The following TRPV4 variants were observed in gnomAD, a reference collection of about 807,000 sequenced individuals.
TRPV4 encodes transient receptor potential cation channel subfamily V member 4, also known as OSM9-like transient receptor potential channel 4.
In TRPV4, 58 loss-of-function variants were observed where a neutral mutation model predicts 84.1. That is an observed-to-expected ratio of 0.69 (90% CI 0.56 to 0.86). The LOEUF is 0.86. TRPV4 is among the 40% of genes least tolerant of loss of function. The pLI, the probability that TRPV4 is intolerant of heterozygous loss-of-function variation, is 0.00. For synonymous variants in TRPV4, 489 were observed against 500.9 expected (o/e 0.98, Z 0.32); for missense variants, 879 against 1,181.1 (o/e 0.74, Z 3.75).
intron 1 of TRPV4, among the ~76,000 whole-genome samples, chr12:109,829,896 AC>A (rs1263379353): frequency 6.6e-6 from 1 of 152,080 alleles, no homozygotes; most frequent in Admixed American, 6.5e-5. Context: ...GTTCACTGCA[AC>A]CTCTCACTCC....
intron 1 of TRPV4, among the ~76,000 whole-genome samples, chr12:109,830,786 C>T (rs1417615765): frequency 6.6e-6 from 1 of 152,190 alleles, no homozygotes; most frequent in Non-Finnish European, 1.5e-5. Context: ...CCCCTAGGAA[C>T]AGAGGAAGGA....
intron 13 of TRPV4, among the ~76,000 whole-genome samples, chr12:109,787,407 C>T (rs1289745382): frequency 6.6e-6 from 1 of 152,116 alleles, no homozygotes; most frequent in Admixed American, 6.6e-5. Context: ...AAGTTCAAGA[C>T]CAGCCTGGGC....
At chr12:109,797,159 G>C (rs774493087) in intron 6 of TRPV4, among the ~76,000 whole-genome samples, 2 of 152,016 alleles carry the variant, frequency 1.3e-5, no homozygotes, top group Non-Finnish European at 2.9e-5. Context: ...GGATTTTGGG[G>C]TTTTTGTTTT....
At chr12:109,820,584 C>T (rs372402331) in intron 1 of TRPV4, among the ~76,000 whole-genome samples, 1 of 133,522 alleles carries the variant, frequency 7.5e-6, no homozygotes, top group Admixed American at 8.9e-5. Context: ...AGTGCAGTGG[C>T]GCATCTCCAC....
Position 109,796,408 on chromosome 12 carries a change from C to A in TRPV4, c.1332+117G>T. 5.0e-6 allele frequency: 6 copies of A among 1,200,764 alleles called. No individual in the cohort carries two copies. Among genetic ancestry groups the A allele is most frequent in the Non-Finnish European group, 7.2e-6 (6 of 833,402 alleles). The allele number at this position is 1,200,764 out of a possible 1,614,324, so 74.4% of individuals were successfully genotyped here. ...TTCTCTTGCATTCAGCCAACAGACCCACCACGTTGGGTCCTAGAGGCTGGG... is the reference window on the plus strand; with the variant it reads ...TTCTCTTGCATTCAGCCAACAGACCAACCACGTTGGGTCCTAGAGGCTGGG... On this transcript the variant is annotated intron_variant, in intron 7 of 15. Coordinates refer to ENST00000261740, the MANE Select transcript of TRPV4 (RefSeq NM_021625.5). The surrounding 1 kb of genome is among the most constrained non-coding windows in gnomAD (Gnocchi z 4.2).
chr12:109,784,860 CGTGTGTGTGT>C (rs58584964), intron 14 of TRPV4, among the ~76,000 whole-genome samples: 6 of 123,802 alleles, frequency 4.8e-5, no homozygotes, highest in Non-Finnish European at 8.0e-5. Flanking sequence ...AAAAAAAAGA[CGTGTGTGTGT>C]GTGTGTGTGT....
chr12:109,799,951 TTTA>T (rs869104204), intron 5 of TRPV4, among the ~76,000 whole-genome samples: 1 of 151,624 alleles, frequency 6.6e-6, no homozygotes, highest in African/African-American at 2.4e-5. Context: ...TATTTATTTA[TTTA>T]TTTTTTGAGA....
At chr12:109,785,042 G>A (rs978000763) in intron 14 of TRPV4, among the ~76,000 whole-genome samples, 16 of 151,888 alleles carry the variant, frequency 1.1e-4, no homozygotes, top group Non-Finnish European at 5.9e-5. Context: ...CTTCTTTTGA[G>A]ACAGGGTCTC....
intron 1 of TRPV4, among the ~76,000 whole-genome samples, chr12:109,823,610 C>A (rs1051964099): frequency 1.3e-5 from 2 of 152,140 alleles, no homozygotes; most frequent in Non-Finnish European, 2.9e-5. Context: ...ACAGGCAAAT[C>A]CACAGAGACA....
In TRPV4 at chr12:109,794,197, G is replaced by A. The variant is rs746792417; in HGVS notation, c.1491+132C>T. 29 of 1,267,764 alleles carry A rather than the reference G, an allele frequency of 2.3e-5. No individual in the cohort carries two copies. In the East Asian group the frequency reaches 3.2e-4, roughly 14 times the overall value. The allele number at this position is 1,267,764 out of a possible 1,614,324, so 78.5% of individuals were successfully genotyped here. On this transcript the variant is annotated intron_variant, in intron 8 of 15. Coordinates refer to ENST00000261740, the MANE Select transcript of TRPV4 (RefSeq NM_021625.5). ...GGGCCACCCGTGGATGCTGGAGGGC[G>A]CCTCCCCAACCTGTTCCTAAACCTT...
chr12:109,791,958 C>T (rs1190252090), intron 12 of TRPV4, among the ~76,000 whole-genome samples: 3 of 151,452 alleles, frequency 2.0e-5, no homozygotes, highest in Admixed American at 6.6e-5. Context: ...TGGCCAGGCG[C>T]GTTGGCTCAC....
At chr12:109,809,425 GATCC>G (rs138769482) in intron 2 of TRPV4, among the ~76,000 whole-genome samples, 1,598 of 91,170 alleles carry the variant, frequency 0.018, 38 homozygotes, top group African/African-American at 0.063. Context: ...ATCCCTCACT[GATCC>G]ATCCATCCAT....
At chr12:109,805,692 A>C (rs941464611) in intron 3 of TRPV4, among the ~76,000 whole-genome samples, 1 of 152,184 alleles carries the variant, frequency 6.6e-6, no homozygotes, top group Non-Finnish European at 1.5e-5. Context: ...GGCCTTAGCC[A>C]GGGGCCCTGG....
intron 3 of TRPV4, among the ~76,000 whole-genome samples, chr12:109,806,358 C>CT (rs60159775): frequency 0.23 from 26,896 of 115,264 alleles, 3,649 homozygotes; most frequent in South Asian, 0.37. Flanking sequence ...CTAAGCCTGG[C>CT]TTTTTTTTTT....
At position 109,783,787 on chromosome 12, in the gene TRPV4, A is replaced by C. The variant is rs115373018; in HGVS notation, c.2459-9T>G. 21,887 of 1,610,206 alleles carry C rather than the reference A, an allele frequency of 0.014. 274 individuals carry two copies. Among genetic ancestry groups the C allele is most frequent in the African/African-American group, 0.064 (4,770 of 74,708 alleles). On this transcript the variant is annotated splice_polypyrimidine_tract_variant and intron_variant, in intron 15 of 15. Transcript: ENST00000261740. This position sits in a 1 kb window ranked among gnomAD's most constrained non-coding sequence, Gnocchi z 4.6. ...CACCGAGGACCAGCGATCTGCACCG[A>C]GAGCACATCAGAGGGAGGGGTGGGG...
At chr12:109,829,077 T>C (rs552467946) in intron 1 of TRPV4, among the ~76,000 whole-genome samples, 3 of 151,994 alleles carry the variant, frequency 2.0e-5, no homozygotes, top group African/African-American at 4.8e-5. Context: ...GAGGCTGAAG[T>C]AGGAGGATCT....
At chr12:109,827,848 A>G (rs779536394) in intron 1 of TRPV4, among the ~76,000 whole-genome samples, 1 of 151,652 alleles carries the variant, frequency 6.6e-6, no homozygotes, top group Non-Finnish European at 1.5e-5. Context: ...ACACATACAC[A>G]TATAGACATA....
At chr12:109,832,668 A>C (rs1419903769) in intron 1 of TRPV4, 1 of 153,322 alleles carries the variant, frequency 6.5e-6, no homozygotes, top group East Asian at 1.9e-4. Context: ...TCTGCAAAAC[A>C]GAGAGGACAG....
intron 1 of TRPV4, among the ~76,000 whole-genome samples, chr12:109,818,489 T>G (rs188478172): frequency 6.6e-6 from 1 of 152,192 alleles, no homozygotes; most frequent in African/African-American, 2.4e-5. Context: ...CACAGCAGGT[T>G]AGTGATGGAG....
Sources: gnomAD v4.1 joint callset for allele counts (sites outside exome capture counted in the v4.1 genomes callset) on GRCh38, gnomAD v4.1.1 for gene constraint, Gnocchi (gnomAD v3.1) non-coding constraint, MANE v1.5 for transcripts, NCBI Gene and HGNC (gene_info 2026-07-23, HGNC 2026-07-21) for gene names.